Variants in SMARCC1 observed in about 807,000 individuals in gnomAD.
SMARCC1 encodes the protein SWI/SNF related BAF chromatin remodeling complex subunit C1.
SMARCC1 carries 43 observed loss-of-function variants against 147.4 expected under a neutral mutation model. The ratio of observed to expected loss-of-function variants is 0.29; its 90% CI spans 0.23 to 0.38. SMARCC1 has a LOEUF of 0.38. SMARCC1 is among the 10% of genes least tolerant of loss of function. The pLI, the probability that SMARCC1 is intolerant of heterozygous loss-of-function variation, is 1.00. For synonymous variants in SMARCC1, 495 were observed against 484.4 expected (o/e 1.02, Z -0.29); for missense variants, 1,119 against 1,381.1 (o/e 0.81, Z 3.01).
intron 19 of SMARCC1, among the ~76,000 whole-genome samples, chr3:47,666,419 G>A (rs771141371): frequency 6.6e-6 from 1 of 150,958 alleles, no homozygotes; most frequent in South Asian, 2.1e-4. Flanking sequence ...ATTCCTTAAA[G>A]GTACAGATTG....
intron 2 of SMARCC1, among the ~76,000 whole-genome samples, chr3:47,755,074 A>G (rs185957777): frequency 1.3e-5 from 2 of 151,882 alleles, no homozygotes; most frequent in Admixed American, 1.3e-4. Flanking sequence ...ATCCGGGCAC[A>G]GTTATGCACG....
chr3:47,642,044 G>A (rs935450409), intron 21 of SMARCC1, among the ~76,000 whole-genome samples: 1 of 152,114 alleles, frequency 6.6e-6, no homozygotes, highest in African/African-American at 2.4e-5. Context: ...AAAGTGCTGG[G>A]ATTACAGATG....
chr3:47,720,226 G>C (rs984509155), intron 7 of SMARCC1, among the ~76,000 whole-genome samples: 2 of 150,950 alleles, frequency 1.3e-5, no homozygotes, highest in African/African-American at 2.4e-5. Flanking sequence ...CGGGTTCAAG[G>C]GATTCTCCTG....
At chr3:47,678,773 G>C (rs938258738) in intron 15 of SMARCC1, among the ~76,000 whole-genome samples, 1 of 152,242 alleles carries the variant, frequency 6.6e-6, no homozygotes, top group Admixed American at 6.5e-5. Flanking sequence ...CAAACACTGA[G>C]TTGTTAGAGA....
intron 14 of SMARCC1, 55 bp downstream of exon 14, chr3:47,685,994 G>C (rs995137533): frequency 7.9e-5 from 118 of 1,499,380 alleles, no homozygotes; most frequent in Non-Finnish European, 9.9e-5. Flanking sequence ...CTGATTTCAA[G>C]GAAAGTTCTT....
At chr3:47,633,783 CA>C (rs2032930901) in intron 24 of SMARCC1, among the ~76,000 whole-genome samples, 1 of 25,056 alleles carries the variant, frequency 4.0e-5, no homozygotes, top group African/African-American at 7.5e-5. Flanking sequence ...TATATATACA[CA>C]CACACACACA....
chr3:47,726,248 G>T (rs1255430604), intron 6 of SMARCC1, among the ~76,000 whole-genome samples: 3 of 151,428 alleles, frequency 2.0e-5, no homozygotes, highest in Non-Finnish European at 4.4e-5. Context: ...TAATAATAAT[G>T]TAAAATAATT....
chr3:47,770,295 A>T (rs1401794581), intron 2 of SMARCC1, among the ~76,000 whole-genome samples: 1 of 151,998 alleles, frequency 6.6e-6, no homozygotes, highest in Non-Finnish European at 1.5e-5. Context: ...TGCAAAGCCA[A>T]GGCAGGAAGA....
intron 5 of SMARCC1, among the ~76,000 whole-genome samples, chr3:47,732,960 T>C (rs2034393532): frequency 6.6e-6 from 1 of 151,512 alleles, no homozygotes; most frequent in African/African-American, 2.4e-5. Context: ...ATACAAAAAT[T>C]AGCCAGATGT....
chr3:47,681,951 G>A (rs1318742328), intron 14 of SMARCC1, among the ~76,000 whole-genome samples: 1 of 152,218 alleles, frequency 6.6e-6, no homozygotes, highest in South Asian at 2.1e-4. Context: ...AGTGTGACAT[G>A]CAAAGATGAT....
intron 5 of SMARCC1, among the ~76,000 whole-genome samples, chr3:47,735,121 A>G (rs1220151345): frequency 6.6e-6 from 1 of 152,072 alleles, no homozygotes; most frequent in East Asian, 1.9e-4. Context: ...GGAAGACAGG[A>G]TTACTTGAAA....
intron 22 of SMARCC1, among the ~76,000 whole-genome samples, chr3:47,638,335 C>CA (rs1208368279): frequency 6.6e-6 from 1 of 152,118 alleles, no homozygotes; most frequent in Admixed American, 6.5e-5. Context: ...CCTTGTAATC[C>CA]GCCCACCACA....
rs78647595 is a variant in SMARCC1, at chr3:47,636,079, T to C, written c.2434A>G (p.Asn812Asp). ...TGTTCCTTTTCACTATTTTTTTCAT[T>C]TTCTCCATCTTGTGCTTTATCACCT... is the stretch of plus-strand genomic sequence containing the variant. ...DEGDKAQDGE[N>D]EKNSEKEQDS... The change falls in exon 23 of 28, where the codon AAT becomes GAT. Residue 812 changes from asparagine (N) to aspartate (D), a missense_variant. Transcript: ENST00000254480. 1.8e-4 allele frequency: 293 copies of C among 1,610,546 alleles called. 1 individual carries two copies. In the East Asian group the frequency reaches 6.3e-3, roughly 35 times the overall value.
rs1217597887 is a variant in SMARCC1, at chr3:47,586,023, G to A, written c.*2186C>T. 1 of 152,440 alleles carries A rather than the reference G, an allele frequency of 6.6e-6. No homozygotes were observed. The highest frequency in any genetic ancestry group is 2.4e-5 in the African/African-American group (1 of 41,378). 9.4% of individuals were successfully genotyped at this position (152,440 alleles called of 1,614,324 possible). On this transcript the variant is annotated 3_prime_UTR_variant, in exon 28 of 28. Transcript: ENST00000254480. ...TAACAACACACTGAGAAACATGTTTGTACAAAAACCACATATTATTCCCCC... is the reference window on the plus strand; with the variant it reads ...TAACAACACACTGAGAAACATGTTTATACAAAAACCACATATTATTCCCCC...
intron 24 of SMARCC1, among the ~76,000 whole-genome samples, chr3:47,629,129 G>C (rs1280155484): frequency 1.3e-5 from 2 of 152,212 alleles, no homozygotes; most frequent in African/African-American, 4.8e-5. Flanking sequence ...TGCCATCAAC[G>C]ATGACTGCTC....
At position 47,586,289 on chromosome 3, in the gene SMARCC1, A is replaced by AG. The variant is rs1382139191; in HGVS notation, c.*1919dup. ...AATTCCATTTTCCTTCTCGGACTCC[A>AG]GGGGAAAAAAGAAGTATTTGGAATG... On this transcript the variant is annotated 3_prime_UTR_variant, in exon 28 of 28. Transcript: ENST00000254480. The AG allele has an allele frequency of 1.3e-5, 2 of 152,212 alleles. No homozygotes were observed. Among genetic ancestry groups the AG allele is most frequent in the Non-Finnish European group, 2.9e-5 (2 of 68,036 alleles). 9.4% of individuals were successfully genotyped at this position (152,212 alleles called of 1,614,324 possible).
At chr3:47,642,616 C>CAAA (rs1177645709) in intron 21 of SMARCC1, among the ~76,000 whole-genome samples, 1 of 151,608 alleles carries the variant, frequency 6.6e-6, no homozygotes, top group Admixed American at 6.6e-5. Context: ...ACAACAACAA[C>CAAA]AAAAACCTAA....
Position 47,638,738 on chromosome 3 carries a change from T to C in SMARCC1, c.2363A>G (p.Gln788Arg). ...EEKMEADPDG[Q>R]QPEKAENKVE... The stretch of plus-strand genomic sequence containing the variant: ...GTGAGACTTTACCTTTTCAGGCTGC[T>C]GACCATCAGGGTCGGCTTCCATTTT... Residue 788 changes from glutamine (Q) to arginine (R), a missense_variant, in exon 22 of 28, where the codon CAG (glutamine) becomes CGG (arginine). This residue lies in a region of SMARCC1 where 157 missense variants were observed against 158.6 expected (regional missense o/e 0.99). Transcript: ENST00000254480. 1 of 1,613,410 alleles carries C rather than the reference T, an allele frequency of 6.2e-7. No individual in the cohort carries two copies. Among genetic ancestry groups the C allele is most frequent in the Non-Finnish European group, 8.5e-7 (1 of 1,179,314 alleles).
At chr3:47,606,791 T>C (rs1576385514) in intron 26 of SMARCC1, among the ~76,000 whole-genome samples, 1 of 152,082 alleles carries the variant, frequency 6.6e-6, no homozygotes, top group East Asian at 1.9e-4. Context: ...ACTTGCAATC[T>C]CAAACTCCTG....
Sources: gnomAD v4.1 joint callset for allele counts (sites outside exome capture counted in the v4.1 genomes callset) on GRCh38, gnomAD v4.1.1 for gene constraint, gnomAD v4.1.1 regional missense constraint, MANE v1.5 for transcripts, NCBI Gene and HGNC (gene_info 2026-07-23, HGNC 2026-07-21) for gene names.